AMDHD1: variants seen among roughly 807,000 people sequenced by gnomAD.
AMDHD1 encodes the protein amidohydrolase domain containing 1, also known as probable imidazolonepropionase.
AMDHD1 carries 45 observed loss-of-function variants against 44.1 expected under a neutral mutation model. That is an observed-to-expected ratio of 1.02 (90% CI 0.80 to 1.31). The LOEUF (loss-of-function observed/expected upper bound fraction) is 1.31, where lower values mean the gene tolerates loss of function less well. Among genes scored for constraint, AMDHD1 ranks in the 50% most tolerant of loss-of-function variants. The pLI, the probability that AMDHD1 is intolerant of heterozygous loss-of-function variation, is 0.00. For synonymous variants in AMDHD1, 206 were observed against 205.0 expected (o/e 1.00, Z -0.04); for missense variants, 586 against 552.1 (o/e 1.06, Z -0.61).
At chr12:95,948,392 G>T (rs1250104882) in intron 1 of AMDHD1, among the ~76,000 whole-genome samples, 3 of 63,254 alleles carry the variant, frequency 4.7e-5, no homozygotes, top group African/African-American at 8.1e-5. Context: ...CCGGCCAGTG[G>T]CCCCGTCCGG....
Position 95,956,701 on chromosome 12 carries a change from A to T in AMDHD1, c.326A>T (p.Tyr109Phe). ...TGTGTTCAGTTGGCAGGAGCCACCT[A>T]CATGGAAATTCACCAGGCCGGAGGA... The part of the protein sequence containing the change: ...EFAMKLAGAT[Y>F]MEIHQAGGGI... The change falls in exon 4 of 9, where the codon TAC becomes TTC. Residue 109 changes from tyrosine (Y) to phenylalanine (F), a missense_variant. Transcript: ENST00000266736. The T allele has an allele frequency of 6.2e-7, 1 of 1,614,040 alleles. No homozygotes were observed. The highest frequency in any genetic ancestry group is 8.5e-7 in the Non-Finnish European group (1 of 1,179,888).
intron 6 of AMDHD1, among the ~76,000 whole-genome samples, chr12:95,963,127 G>T (rs1261885041): frequency 6.6e-6 from 1 of 152,130 alleles, no homozygotes; most frequent in Non-Finnish European, 1.5e-5. Context: ...CCAAGATTGT[G>T]GTCTGGGAGG....
At chr12:95,950,388 T>A (rs2080520799) in intron 1 of AMDHD1, among the ~76,000 whole-genome samples, 1 of 152,238 alleles carries the variant, frequency 6.6e-6, no homozygotes, top group Admixed American at 6.5e-5. Context: ...TTTGTTAGGT[T>A]ACCCCAACCA....
chr12:95,952,069 C>A (rs930120388), intron 1 of AMDHD1, among the ~76,000 whole-genome samples: 20 of 152,106 alleles, frequency 1.3e-4, no homozygotes, highest in Non-Finnish European at 1.9e-4. Flanking sequence ...CTTTGCTGTA[C>A]AGAAGGCTTT....
rs969843167 is a variant in AMDHD1 at position 95,960,306 on chromosome 12, C to G, written c.588-92C>G. 34 of 1,082,218 alleles carry G rather than the reference C, an allele frequency of 3.1e-5. No homozygotes were observed. The African/African-American group carries it at 4.7e-4, about 15-fold the overall frequency. 67.0% of individuals were successfully genotyped at this position (1,082,218 alleles called of 1,614,324 possible). ...TGAGGCTTGAAGTCATTTACCTCTA[C>G]TGCTCCTCAGGTTCTTCAAGTGCCA... On this transcript the variant is annotated intron_variant, in intron 4 of 8. Transcript: ENST00000266736.
intron 4 of AMDHD1, among the ~76,000 whole-genome samples, chr12:95,958,975 A>G (rs2080566003): frequency 6.6e-6 from 1 of 152,146 alleles, no homozygotes; most frequent in African/African-American, 2.4e-5. Context: ...GAATCACTTG[A>G]ACCCGGGAGG....
intron 1 of AMDHD1, among the ~76,000 whole-genome samples, chr12:95,947,964 A>G (rs1458633416): frequency 3.1e-5 from 4 of 127,842 alleles, no homozygotes; most frequent in African/African-American, 1.2e-4. Context: ...CCGCCCGGCC[A>G]GCCGCCCTGT....
Position 95,956,939 on chromosome 12 carries a change from C to G in AMDHD1, c.564C>G (p.Tyr188Ter), listed in dbSNP as rs1395464435. The stretch of plus-strand genomic sequence containing the variant: ...TGGACATCGGCATCTCGGCTACCTA[C>G]TGCGGGGCTCATTCAGTGCCTAAGT... ...RELDIGISATYCGAHSVPKGK... is the reference protein window; with the variant it reads ...RELDIGISAT Residue 188 changes from tyrosine to a stop codon, truncating the protein, a stop_gained, in exon 4 of 9, where the codon TAC (tyrosine) becomes TAG (stop). Transcript: ENST00000266736. LOFTEE classifies it high-confidence loss of function. The G allele has an allele frequency of 1.2e-6, 2 of 1,612,428 alleles. No individual in the cohort carries two copies. The highest frequency in any genetic ancestry group is 2.2e-5 in the South Asian group (2 of 90,992).
intron 1 of AMDHD1, among the ~76,000 whole-genome samples, chr12:95,944,469 T>A (rs2080484208): frequency 6.6e-6 from 1 of 152,040 alleles, no homozygotes; most frequent in Non-Finnish European, 1.5e-5. Context: ...TGGCATGATC[T>A]TGGCTCCACC....
chr12:95,955,885 A>G (rs1280893159), intron 3 of AMDHD1, among the ~76,000 whole-genome samples: 1 of 152,104 alleles, frequency 6.6e-6, no homozygotes, highest in Non-Finnish European at 1.5e-5. Context: ...CAAGCTCCAA[A>G]CTCGGATGGC....
intron 1 of AMDHD1, among the ~76,000 whole-genome samples, chr12:95,948,507 G>A (rs1457621296): frequency 7.2e-5 from 5 of 69,382 alleles, no homozygotes; most frequent in African/African-American, 1.2e-4. Flanking sequence ...TCAGCCCCCC[G>A]CCCGGCCAGC....
intron 2 of AMDHD1, among the ~76,000 whole-genome samples, chr12:95,954,573 T>TAAATAAAATAAAATAAAATA (rs71435789): frequency 0.01 from 1,478 of 147,180 alleles, 19 homozygotes; most frequent in African/African-American, 0.03. Context: ...TTCTCAAAAA[T>TAAATAAAATAAAATAAAATA]AAATAAAATA....
intron 6 of AMDHD1, 148 bp downstream of exon 6, chr12:95,962,627 C>G: frequency 1.0e-6 from 1 of 984,548 alleles, no homozygotes; most frequent in Non-Finnish European, 1.3e-6. Context: ...GATGCCAACC[C>G]TGGACTGATG....
rs755012797 is a variant in AMDHD1 at position 95,967,834 on chromosome 12, T to C, written c.1272T>C (p.Tyr424=). Residue 424 remains tyrosine, a synonymous_variant, in exon 9 of 9, where the codon TAT becomes TAC. Coordinates refer to ENST00000266736, the MANE Select transcript of AMDHD1 (RefSeq NM_152435.3). ...EYVIAKGKLI[Y]KT Reference sequence around the variant, plus strand: ...TTATAGCTAAAGGAAAACTCATCTATAAAACATGATAGATTTGAAAAGAGA... The same window carrying C: ...TTATAGCTAAAGGAAAACTCATCTACAAAACATGATAGATTTGAAAAGAGA... 1 of 1,582,682 alleles carries C rather than the reference T, an allele frequency of 6.3e-7. No homozygotes were observed. Among genetic ancestry groups the C allele is most frequent in the Admixed American group, 1.8e-5 (1 of 55,866 alleles).
At chr12:95,951,716 C>T (rs2080526526) in intron 1 of AMDHD1, among the ~76,000 whole-genome samples, 1 of 152,164 alleles carries the variant, frequency 6.6e-6, no homozygotes, top group Non-Finnish European at 1.5e-5. Flanking sequence ...ACAAGGGTTC[C>T]TCTTTCTCCA....
At chr12:95,960,339 C>A in intron 4 of AMDHD1, 59 bp from the exon 5 acceptor site, 1 of 1,487,902 alleles carries the variant, frequency 6.7e-7, no homozygotes, top group East Asian at 2.3e-5. Flanking sequence ...CCAGATTACC[C>A]TGTCTTTTTG....
Position 95,961,846 on chromosome 12 carries a change from T to G in AMDHD1, c.814-509T>G, listed in dbSNP as rs181681360. On this transcript the variant is annotated intron_variant, in intron 5 of 8. Coordinates refer to ENST00000266736, the MANE Select transcript of AMDHD1 (RefSeq NM_152435.3). ...AGGATTTGTGTTTAAGAATAGTTTT[T>G]GAAGTAGCCCACTAGCTAATTTTCA... Among the ~76,000 whole-genome samples the G allele has an allele frequency of 1.6e-3, 246 of 152,368 alleles. 1 individual carries two copies. The highest frequency in any genetic ancestry group is 3.4e-3 in the Middle Eastern group (1 of 294).
In AMDHD1 at chr12:95,956,816, G is replaced by A; in HGVS notation, c.441G>A (p.Arg147=). The change falls in exon 4 of 9, where the codon AGG becomes AGA. Residue 147 remains arginine, a synonymous_variant. Transcript: ENST00000266736. Reference sequence around the variant, plus strand: ...AGCAACGGCTCCAGTGCATGATGAGGGCTGGCACCACGCTGGTGGAGTGCA... The same window carrying A: ...AGCAACGGCTCCAGTGCATGATGAGAGCTGGCACCACGCTGGTGGAGTGCA... ...SLQQRLQCMM[R]AGTTLVECKS... is the part of the protein sequence containing the mutation. 2 of 1,614,232 alleles carry A rather than the reference G, an allele frequency of 1.2e-6. No homozygotes were observed. Among genetic ancestry groups the A allele is most frequent in the Non-Finnish European group, 1.7e-6 (2 of 1,180,048 alleles).
In AMDHD1 at chr12:95,966,370, G is replaced by C; in HGVS notation, c.1055G>C (p.Cys352Ser). 1 of 1,614,226 alleles carries C rather than the reference G, an allele frequency of 6.2e-7. No individual in the cohort carries two copies. The highest frequency in any genetic ancestry group is 8.5e-7 in the Non-Finnish European group (1 of 1,180,044). Residue 352 changes from cysteine to serine, a missense_variant, in exon 8 of 9, where the codon TGT becomes TCT. Transcript: ENST00000266736. ...TAGCCAATGGTCATGCATCTGGCCTGTGTAAACATGAGAATGTCCATGCCT... is the reference window on the plus strand; with the variant it reads ...TAGCCAATGGTCATGCATCTGGCCTCTGTAAACATGAGAATGTCCATGCCT... The part of the protein sequence containing the change: ...FSMPMVMHLA[C>S]VNMRMSMPEA...
Sources: gnomAD v4.1 joint callset for allele counts (sites outside exome capture counted in the v4.1 genomes callset) on GRCh38, gnomAD v4.1.1 for gene constraint, MANE v1.5 for transcripts, NCBI Gene and HGNC (gene_info 2026-07-23, HGNC 2026-07-21) for gene names.